CELF2: variants seen among roughly 807,000 people sequenced by gnomAD.
CELF2 encodes the protein CUG triplet repeat RNA-binding protein 2.
A neutral mutation model predicts 62.6 loss-of-function variants in CELF2; 8 were observed. That is an observed-to-expected ratio of 0.13 (90% CI 0.07 to 0.23). CELF2 has a LOEUF of 0.23. Ranked by LOEUF, CELF2 falls within the 10% of genes least tolerant of loss-of-function variation. CELF2 has a pLI of 1.00. For synonymous variants in CELF2, 258 were observed against 250.0 expected (o/e 1.03, Z -0.30); for missense variants, 333 against 671.0 (o/e 0.50, Z 5.56).
chr10:11,095,816 A>G lies in CELF2; in HGVS notation c.75-69670A>G, dbSNP rs192005438. On this transcript the variant is annotated intron_variant, in intron 1 of 12. Transcript: ENST00000633077. ...AATTCTCACAAATTATGAGGCCAAC[A>G]CTTAGAATCGGGAAGAAAGTGATGA... Among the ~76,000 whole-genome samples, 178 of 152,124 alleles carry G rather than the reference A, an allele frequency of 1.2e-3. 1 individual carries two copies. Among genetic ancestry groups the G allele is most frequent in the African/African-American group, 4.1e-3 (168 of 41,464 alleles).
At chr10:11,074,163 A>G (rs2071113029) in intron 1 of CELF2, among the ~76,000 whole-genome samples, 1 of 152,186 alleles carries the variant, frequency 6.6e-6, no homozygotes, top group African/African-American at 2.4e-5. Flanking sequence ...CAAAATGTCT[A>G]TTTCAAAACA....
chr10:11,186,512 A>G (rs899341869), intron 2 of CELF2, among the ~76,000 whole-genome samples: 1 of 152,126 alleles, frequency 6.6e-6, no homozygotes, highest in Non-Finnish European at 1.5e-5. Context: ...AAATTCTGAT[A>G]TGCTGTAGTT....
At chr10:11,293,859 C>G (rs2092833997) in intron 9 of CELF2, among the ~76,000 whole-genome samples, 1 of 152,078 alleles carries the variant, frequency 6.6e-6, no homozygotes, top group South Asian at 2.1e-4. Context: ...GTTTAAGGGC[C>G]ATCTGTTCAG....
chr10:10,792,441 A>G, the CELF2 span: 2 of 398,330 alleles, frequency 5.0e-6, no homozygotes, highest in African/African-American at 4.1e-5. Flanking sequence ...AGGTGTTGAC[A>G]TTGTTTCTTT....
intron 2 of CELF2, among the ~76,000 whole-genome samples, chr10:10,998,499 T>C (rs1412989223): frequency 6.6e-6 from 1 of 152,196 alleles, no homozygotes; most frequent in Non-Finnish European, 1.5e-5. Flanking sequence ...TAAAAAGTGA[T>C]GGTATATCTC....
At chr10:11,218,676 C>G (rs535567423) in intron 3 of CELF2, among the ~76,000 whole-genome samples, 3 of 152,324 alleles carry the variant, frequency 2.0e-5, no homozygotes, top group South Asian at 2.1e-4. Context: ...ATAGAAGGTT[C>G]GAAGAAGCAA....
Position 10,957,156 on chromosome 10 carries a change from C to T in CELF2, c.89+37157C>T, listed in dbSNP as rs781255676. ...CTCTAATCCTCTCTTTGCTGTGCCT[C>T]TCTGGAGTTCCTGACATTTCCGCAA... On this transcript the variant is annotated intron_variant, in intron 2 of 13. Coordinates refer to the CELF2 transcript ENST00000636488. The surrounding 1 kb of genome is among the most constrained non-coding windows in gnomAD (Gnocchi z 4.1). 6.6e-6 allele frequency among the ~76,000 whole-genome samples: 1 copy of T among 152,170 alleles called. No individual in the cohort carries two copies. Among genetic ancestry groups the T allele is most frequent in the Non-Finnish European group, 1.5e-5 (1 of 68,030 alleles).
Position 11,285,761 on chromosome 10 carries a change from C to CAAACTTG in CELF2, c.842-2656_842-2650dup, listed in dbSNP as rs1364650597. 6.6e-6 allele frequency among the ~76,000 whole-genome samples: 1 copy of CAAACTTG among 151,878 alleles called. No homozygotes were observed. Among genetic ancestry groups the CAAACTTG allele is most frequent in the African/African-American group, 2.4e-5 (1 of 41,322 alleles). On this transcript the variant is annotated intron_variant, in intron 8 of 12. Transcript: ENST00000633077. The surrounding 1 kb of genome is among the most constrained non-coding windows in gnomAD (Gnocchi z 4.3). ...TCTTCAGAGCAATTTATGTAAATGT[C>CAAACTTG]AAACTTGTCTGTTACCCTGTTTGTT...
At chr10:11,256,553 T>G (rs1426739755) in intron 4 of CELF2, among the ~76,000 whole-genome samples, 1 of 149,462 alleles carries the variant, frequency 6.7e-6, no homozygotes, top group African/African-American at 2.5e-5. Flanking sequence ...CTCTTCAGTC[T>G]GGCTGCAGCT....
intron 1 of CELF2, among the ~76,000 whole-genome samples, chr10:11,163,473 G>C (rs557573367): frequency 1.3e-5 from 2 of 152,180 alleles, no homozygotes; most frequent in Admixed American, 6.5e-5. Flanking sequence ...AGACCCACAG[G>C]GTTCAAGTGT....
chr10:10,760,741 C>A, the CELF2 span, among the ~76,000 whole-genome samples: 1 of 152,018 alleles, frequency 6.6e-6, no homozygotes, highest in African/African-American at 2.4e-5. Context: ...GGAAAAAGGC[C>A]AACAGTGTTT....
intron 4 of CELF2, among the ~76,000 whole-genome samples, chr10:11,249,799 C>T (rs754619092): frequency 1.1e-4 from 16 of 152,154 alleles, no homozygotes; most frequent in African/African-American, 3.4e-4. Context: ...TTTGCCTATT[C>T]GAGACATGAG....
rs1167648913 is a variant in CELF2, at chr10:11,098,452, C to T, written c.75-67034C>T. ...CGTGAGCTCAAACCCCCATGTACTG[C>T]AGAGGGATAACAGTTCTTCAGCCTT... is the stretch of plus-strand genomic sequence containing the variant. On this transcript the variant is annotated intron_variant, in intron 1 of 12. Coordinates refer to ENST00000633077, the MANE Select transcript of CELF2 (RefSeq NM_001326342.2). The surrounding 1 kb of genome is among the most constrained non-coding windows in gnomAD (Gnocchi z 4.0). 3.9e-5 allele frequency: 6 copies of T among 151,992 alleles called. No homozygotes were observed. The highest frequency in any genetic ancestry group is 7.3e-5 in the African/African-American group (3 of 41,346). The allele number at this position is 151,992 out of a possible 1,614,324, so 9.4% of individuals were successfully genotyped here.
the CELF2 span, among the ~76,000 whole-genome samples, chr10:10,688,379 G>A: frequency 1.3e-5 from 2 of 152,194 alleles, no homozygotes; most frequent in African/African-American, 4.8e-5. Flanking sequence ...CTTGACCACA[G>A]TCAGAAAGAA....
At chr10:10,691,966 A>G in the CELF2 span, among the ~76,000 whole-genome samples, 1 of 151,352 alleles carries the variant, frequency 6.6e-6, no homozygotes, top group African/African-American at 2.4e-5. Context: ...TTGCCTGTTC[A>G]CTCTCATGGT....
chr10:11,228,754 C>T (rs1192762786), intron 3 of CELF2, among the ~76,000 whole-genome samples: 1 of 148,060 alleles, frequency 6.8e-6, no homozygotes, highest in Non-Finnish European at 1.5e-5. Context: ...AACTTGGAAC[C>T]ACCATTTTAT....
intron 8 of CELF2, among the ~76,000 whole-genome samples, chr10:11,287,506 A>G (rs767966115): frequency 2.9e-4 from 44 of 152,250 alleles, no homozygotes; most frequent in Admixed American, 2.6e-4. Flanking sequence ...TTTCATTTCT[A>G]TTTTTTTCAT....
At chr10:10,683,992 C>T in the CELF2 span, among the ~76,000 whole-genome samples, 2 of 152,046 alleles carry the variant, frequency 1.3e-5, no homozygotes, top group Non-Finnish European at 2.9e-5. Context: ...CCTTTAGGGA[C>T]TCCTACTCCC....
chr10:10,754,716 A>G, the CELF2 span, among the ~76,000 whole-genome samples: 1 of 152,232 alleles, frequency 6.6e-6, no homozygotes, highest in Non-Finnish European at 1.5e-5. Context: ...AAAAATACTG[A>G]TAACTTGACT....
Sources: allele counts gnomAD v4.1 joint callset (sites outside exome capture counted in the v4.1 genomes callset), GRCh38; gene constraint gnomAD v4.1.1; non-coding constraint Gnocchi (gnomAD v3.1); transcripts MANE v1.5; gene names NCBI Gene and HGNC (gene_info 2026-07-23, HGNC 2026-07-21).